ITSN2: variants seen among roughly 807,000 people sequenced by gnomAD.
ITSN2 encodes the protein intersectin-2.
ITSN2 carries 156 observed loss-of-function variants against 243.7 expected under a neutral mutation model. The ratio of observed to expected loss-of-function variants is 0.64; its 90% CI spans 0.56 to 0.73. The LOEUF (loss-of-function observed/expected upper bound fraction) is 0.73. Ranked by LOEUF, ITSN2 falls within the 30% of genes least tolerant of loss-of-function variation. ITSN2 has a pLI of 0.00. For missense variants in ITSN2, 1,801 were observed against 1,996.1 expected, an observed-to-expected ratio of 0.90 and a Z score of 1.86; for synonymous variants, 703 against 699.9, an observed-to-expected ratio of 1.00 and a Z score of -0.07.
At chr2:24,328,157 G>T in intron 1 of ITSN2, 42 bp from the exon 2 acceptor site, 1 of 1,452,494 alleles carries the variant, frequency 6.9e-7, no homozygotes, top group Non-Finnish European at 9.7e-7. Flanking sequence ...TACAACAAGG[G>T]CAAATCACAG....
At chr2:24,296,383 G>A (rs1680962094) in intron 13 of ITSN2, among the ~76,000 whole-genome samples, 1 of 152,160 alleles carries the variant, frequency 6.6e-6, no homozygotes, top group Non-Finnish European at 1.5e-5. Context: ...GGGCTGAACT[G>A]TGTCCCCCAA....
intron 17 of ITSN2, among the ~76,000 whole-genome samples, chr2:24,282,252 C>T (rs182707129): frequency 2.6e-5 from 4 of 152,188 alleles, no homozygotes; most frequent in Non-Finnish European, 5.9e-5. Context: ...ATCAAGAGCA[C>T]GCCGGTGGAA....
In ITSN2 at chr2:24,295,809, AG is replaced by A; in HGVS notation, c.1495-6del. ...GATCTGCTGATGTTTGCCATTCTAT[AG>A]GAAGATCATATAAATATATAGTAAC... On this transcript the variant is annotated splice_region_variant and splice_polypyrimidine_tract_variant and intron_variant, in intron 13 of 39. Transcript: ENST00000355123. The A allele has an allele frequency of 6.6e-7, 1 of 1,518,264 alleles. No homozygotes were observed. The highest frequency in any genetic ancestry group is 8.8e-7 in the Non-Finnish European group (1 of 1,141,164). 94.0% of individuals were successfully genotyped at this position (1,518,264 alleles called of 1,614,324 possible). A position where few individuals can be genotyped will look rare whatever the true frequency, so the allele number is the denominator to read the frequency against.
At chr2:24,242,007 C>CT (rs1672786440) in intron 29 of ITSN2, 1 of 152,586 alleles carries the variant, frequency 6.6e-6, no homozygotes, top group Non-Finnish European at 1.5e-5. Context: ...ACCCACTATC[C>CT]TTTAACTTTT....
intron 29 of ITSN2, among the ~76,000 whole-genome samples, chr2:24,222,553 A>T (rs967072222): frequency 1.5e-4 from 23 of 152,190 alleles, no homozygotes; most frequent in South Asian, 6.2e-4. Flanking sequence ...TTATATATTT[A>T]AAAAAATTAT....
intron 1 of ITSN2, among the ~76,000 whole-genome samples, chr2:24,357,060 T>C (rs901449933): frequency 8.5e-5 from 13 of 152,194 alleles, no homozygotes; most frequent in Admixed American, 4.6e-4. Context: ...TAGTGGAAGA[T>C]AGTATGGCAA....
At chr2:24,279,621 C>T (rs938168025) in intron 17 of ITSN2, among the ~76,000 whole-genome samples, 1 of 151,638 alleles carries the variant, frequency 6.6e-6, no homozygotes, top group East Asian at 1.9e-4. Context: ...AATGACAGAT[C>T]GTTACACAAC....
rs138337330 is a variant in ITSN2 at position 24,288,754 on chromosome 2, A to G, written c.1724-2403T>C. ...AACTATAGTCACCAGGTTGTACAATAGATTTCTTGAACTTATTCCTCCTAT... is the reference window on the plus strand; with the variant it reads ...AACTATAGTCACCAGGTTGTACAATGGATTTCTTGAACTTATTCCTCCTAT... On this transcript the variant is annotated intron_variant, in intron 15 of 39. Transcript: ENST00000355123. 1.3e-3 allele frequency among the ~76,000 whole-genome samples: 194 copies of G among 152,296 alleles called. 3 individuals carry two copies. The East Asian group carries it at 0.036, about 28-fold the overall frequency.
At chr2:24,348,331 T>C (rs1009519195) in intron 1 of ITSN2, among the ~76,000 whole-genome samples, 3 of 151,230 alleles carry the variant, frequency 2.0e-5, no homozygotes, top group Non-Finnish European at 4.4e-5. Flanking sequence ...CCTGCCACCA[T>C]GCCCAACTAA....
chr2:24,294,381 A>G (rs372281973), intron 14 of ITSN2, among the ~76,000 whole-genome samples: 325 of 152,318 alleles, frequency 2.1e-3, no homozygotes, highest in Non-Finnish European at 3.7e-3. Context: ...AGCTGAGGTC[A>G]TGCCACTGCA....
chr2:24,220,760 CATT>C, intron 30 of ITSN2, 182 bp downstream of exon 30: 1 of 1,401,646 alleles, frequency 7.1e-7, no homozygotes, highest in South Asian at 1.8e-5. Context: ...CAATCTCAAG[CATT>C]ATCCGGCAGG....
rs868417831 is a variant in ITSN2, at chr2:24,260,406, C to T, written c.2682+700G>A. 2.7e-5 allele frequency among the ~76,000 whole-genome samples: 4 copies of T among 149,820 alleles called. No homozygotes were observed. The Middle Eastern group carries it at 0.01, about 390-fold the overall frequency. Reference sequence around the variant, plus strand: ...TGTAACCCTATTGCAATAGTTATATCTAAATCAGAGGCTAAATATACGTTA... The same window carrying T: ...TGTAACCCTATTGCAATAGTTATATTTAAATCAGAGGCTAAATATACGTTA... On this transcript the variant is annotated intron_variant, in intron 22 of 39. Coordinates refer to ENST00000355123, the MANE Select transcript of ITSN2 (RefSeq NM_006277.3).
chr2:24,282,100 A>G (rs1424274888), intron 17 of ITSN2, among the ~76,000 whole-genome samples: 1 of 152,162 alleles, frequency 6.6e-6, no homozygotes, highest in African/African-American at 2.4e-5. Flanking sequence ...TTGCACCCAA[A>G]TGTTGCATCT....
chr2:24,203,863 T>C, intron 39 of ITSN2, 80 bp from the exon 40 acceptor site: 4 of 1,417,862 alleles, frequency 2.8e-6, no homozygotes, highest in Non-Finnish European at 3.8e-6. Flanking sequence ...AGAAGTGGAT[T>C]CATAAAACCT....
chr2:24,348,336 A>T (rs1013579457), intron 1 of ITSN2, among the ~76,000 whole-genome samples: 1 of 151,392 alleles, frequency 6.6e-6, no homozygotes, highest in African/African-American at 2.4e-5. Flanking sequence ...CACCATGCCC[A>T]ACTAATTTTT....
chr2:24,310,209 C>T, intron 7 of ITSN2, 75 bp downstream of exon 7: 1 of 996,674 alleles, frequency 1.0e-6, no homozygotes, highest in Non-Finnish European at 1.5e-6. Context: ...AAGCTCAAAG[C>T]TTTAAAAAAA....
At chr2:24,359,498 C>T (rs1415290059) in intron 1 of ITSN2, among the ~76,000 whole-genome samples, 2 of 152,214 alleles carry the variant, frequency 1.3e-5, no homozygotes, top group African/African-American at 2.4e-5. Flanking sequence ...ATAAAGCACA[C>T]TTGCCATTGG....
intron 32 of ITSN2, among the ~76,000 whole-genome samples, chr2:24,214,682 C>T (rs905547521): frequency 2.6e-5 from 4 of 152,092 alleles, no homozygotes; most frequent in African/African-American, 9.7e-5. Flanking sequence ...TTTATTACCT[C>T]TCTTCAATAT....
intron 1 of ITSN2, among the ~76,000 whole-genome samples, chr2:24,359,408 T>A (rs969691435): frequency 6.6e-6 from 1 of 152,258 alleles, no homozygotes; most frequent in Non-Finnish European, 1.5e-5. Context: ...AAGTCATTTC[T>A]ATGCTAACCT....
Sources: allele counts gnomAD v4.1 joint callset (sites outside exome capture counted in the v4.1 genomes callset), GRCh38; gene constraint gnomAD v4.1.1; transcripts MANE v1.5; gene names NCBI Gene and HGNC (gene_info 2026-07-23, HGNC 2026-07-21).